The following NKAIN2 variants were observed in gnomAD, a reference collection of about 807,000 sequenced individuals.
NKAIN2 encodes sodium/potassium transporting ATPase interacting 2, also known as sodium/potassium-transporting ATPase subunit beta-1-interacting protein 2.
In NKAIN2, 14 loss-of-function variants were observed where a neutral mutation model predicts 32.6. The observed-to-expected ratio is 0.43, with a 90% confidence interval of 0.28 to 0.67. The LOEUF is 0.67. Ranked by LOEUF, NKAIN2 falls within the 30% of genes least tolerant of loss-of-function variation. The probability of loss-of-function intolerance (pLI) is 0.17; values close to 1 mark genes in which losing one functional copy is unlikely to be tolerated. For synonymous variants in NKAIN2, 80 were observed against 87.2 expected (o/e 0.92, Z 0.46); for missense variants, 198 against 258.3 (o/e 0.77, Z 1.60).
chr6:124,670,125 A>G (rs1024860003), intron 4 of NKAIN2, among the ~76,000 whole-genome samples: 4 of 152,280 alleles, frequency 2.6e-5, no homozygotes, highest in African/African-American at 9.6e-5. Context: ...ATGCATTACT[A>G]TGTAACTAAA....
intron 3 of NKAIN2, among the ~76,000 whole-genome samples, chr6:124,442,476 A>G (rs920208638): frequency 2.0e-5 from 3 of 151,996 alleles, no homozygotes; most frequent in South Asian, 2.1e-4. Context: ...ATTCAGCCAT[A>G]TGAATTGAGA....
chr6:124,765,856 ACAT>A (rs1778491543), intron 4 of NKAIN2, among the ~76,000 whole-genome samples: 2 of 152,224 alleles, frequency 1.3e-5, no homozygotes, highest in Admixed American at 1.3e-4. Flanking sequence ...TACAGATCAG[ACAT>A]CATAGGAACT....
At chr6:123,911,824 C>T (rs868066554) in intron 1 of NKAIN2, among the ~76,000 whole-genome samples, 2,719 of 68,564 alleles carry the variant, frequency 0.04, 187 homozygotes, top group African/African-American at 0.066. Flanking sequence ...CACACACACA[C>T]ACACACACAC....
chr6:124,476,105 C>T (rs770507071), intron 3 of NKAIN2, among the ~76,000 whole-genome samples: 15 of 132,714 alleles, frequency 1.1e-4, no homozygotes, highest in South Asian at 4.7e-4. Flanking sequence ...TGTGCGTGCG[C>T]GCGCGCATGC....
At chr6:124,683,917 C>T (rs893545899) in intron 4 of NKAIN2, among the ~76,000 whole-genome samples, 7 of 152,284 alleles carry the variant, frequency 4.6e-5, no homozygotes, top group Non-Finnish European at 8.8e-5. Flanking sequence ...ACCAATAAGT[C>T]TCACTGGATT....
At chr6:124,061,776 C>G (rs1248950655) in intron 1 of NKAIN2, among the ~76,000 whole-genome samples, 2 of 151,850 alleles carry the variant, frequency 1.3e-5, no homozygotes, top group Non-Finnish European at 2.9e-5. Flanking sequence ...AGTGAGTCCA[C>G]AAATACACAT....
intron 1 of NKAIN2, among the ~76,000 whole-genome samples, chr6:124,214,469 G>A (rs2114671913): frequency 6.6e-6 from 1 of 151,912 alleles, no homozygotes; most frequent in East Asian, 1.9e-4. Flanking sequence ...AAAACTTGTG[G>A]CGGGTGTGGT....
intron 1 of NKAIN2, among the ~76,000 whole-genome samples, chr6:124,232,090 A>G (rs536665849): frequency 6.6e-6 from 1 of 152,244 alleles, no homozygotes; most frequent in African/African-American, 2.4e-5. Flanking sequence ...ATCGGTCGAC[A>G]TTCAAATATT....
At chr6:124,787,189 T>C (rs567961812) in intron 4 of NKAIN2, among the ~76,000 whole-genome samples, 20 of 152,262 alleles carry the variant, frequency 1.3e-4, no homozygotes, top group Admixed American at 2.6e-4. Context: ...ATTAGTTGTT[T>C]TTCCTGATGG....
chr6:124,439,147 A>C (rs1339466478), intron 3 of NKAIN2, among the ~76,000 whole-genome samples: 2 of 152,126 alleles, frequency 1.3e-5, no homozygotes, highest in Non-Finnish European at 2.9e-5. Context: ...TGAAACAAAC[A>C]ACTCCCGATT....
At chr6:124,282,358 C>G (rs1192806504) in intron 1 of NKAIN2, 1 of 284,664 alleles carries the variant, frequency 3.5e-6, no homozygotes, top group Non-Finnish European at 6.7e-6. Flanking sequence ...TACCTGGTAG[C>G]CAGGTATGAC....
chr6:123,923,872 C>T (rs1562260249), intron 1 of NKAIN2, among the ~76,000 whole-genome samples: 1 of 150,004 alleles, frequency 6.7e-6, no homozygotes, highest in Non-Finnish European at 1.5e-5. Context: ...AGCACACCAG[C>T]ATGGCACATG....
chr6:123,987,147 C>A (rs1272253016), intron 1 of NKAIN2, among the ~76,000 whole-genome samples: 1 of 152,004 alleles, frequency 6.6e-6, no homozygotes, highest in African/African-American at 2.4e-5. Flanking sequence ...TCAAAAGCTT[C>A]AAAAATAAGA....
chr6:123,948,597 A>ATTTTTTTTTTTTT (rs71021472), intron 1 of NKAIN2, among the ~76,000 whole-genome samples: 5 of 49,316 alleles, frequency 1.0e-4, no homozygotes, highest in Admixed American at 3.0e-4. Flanking sequence ...CTTAAATGGG[A>ATTTTTTTTTTTTT]TTTTTTTTTT....
At chr6:124,192,570 G>A (rs1790072421) in intron 1 of NKAIN2, among the ~76,000 whole-genome samples, 1 of 151,980 alleles carries the variant, frequency 6.6e-6, no homozygotes, top group African/African-American at 2.4e-5. Context: ...TCCCACTGTT[G>A]TTATGTGTAG....
chr6:123,809,812 T>C (rs2114859194), intron 1 of NKAIN2, among the ~76,000 whole-genome samples: 1 of 152,262 alleles, frequency 6.6e-6, no homozygotes, highest in South Asian at 2.1e-4. Context: ...TTTTTGTTTT[T>C]CCAACCTGAA....
chr6:123,853,013 T>A (rs958745875), intron 1 of NKAIN2, among the ~76,000 whole-genome samples: 9 of 152,220 alleles, frequency 5.9e-5, no homozygotes, highest in Non-Finnish European at 1.0e-4. Flanking sequence ...TTCTGTAGAC[T>A]TTATCATCAT....
intron 1 of NKAIN2, among the ~76,000 whole-genome samples, chr6:124,244,377 G>T (rs1327331965): frequency 6.6e-6 from 1 of 151,502 alleles, no homozygotes; most frequent in African/African-American, 2.4e-5. Context: ...TACTGAGAAT[G>T]ATGATTTCCA....
At chr6:124,238,485 C>T (rs1380441734) in intron 1 of NKAIN2, among the ~76,000 whole-genome samples, 1 of 151,982 alleles carries the variant, frequency 6.6e-6, no homozygotes, top group Non-Finnish European at 1.5e-5. Flanking sequence ...TAGAGGCTAA[C>T]ATATAAAAGG....
Sources: allele counts gnomAD v4.1 joint callset (sites outside exome capture counted in the v4.1 genomes callset), GRCh38; gene constraint gnomAD v4.1.1; transcripts MANE v1.5; gene names NCBI Gene and HGNC (gene_info 2026-07-23, HGNC 2026-07-21).